Variants in TNRC6B observed in about 807,000 individuals in gnomAD.
TNRC6B encodes trinucleotide repeat containing adaptor 6B.
Under a neutral mutation model 203.6 loss-of-function variants are expected in TNRC6B, and 52 were observed. The ratio of observed to expected loss-of-function variants is 0.26; its 90% confidence interval spans 0.20 to 0.32. TNRC6B has a LOEUF of 0.32. Among genes scored for constraint, TNRC6B ranks in the 10% least tolerant of loss-of-function variants. The pLI is 1.00. For synonymous variants in TNRC6B, 838 were observed against 845.7 expected, an observed-to-expected ratio of 0.99 and a Z score of 0.16; for missense variants, 1,923 against 2,286.2, an observed-to-expected ratio of 0.84 and a Z score of 3.24.
intron 1 of TNRC6B, among the ~76,000 whole-genome samples, chr22:40,211,138 G>A (rs112362574): frequency 6.6e-6 from 1 of 151,848 alleles, no homozygotes; most frequent in Admixed American, 6.6e-5. Context: ...TTTGAGACAG[G>A]ATCTTGCTTT....
At chr22:40,216,721 T>C (rs1436985057) in intron 1 of TNRC6B, among the ~76,000 whole-genome samples, 1 of 152,194 alleles carries the variant, frequency 6.6e-6, no homozygotes, top group East Asian at 1.9e-4. Context: ...GTAAAAATAC[T>C]GACAAGGAGC....
chr22:40,177,220 G>T (rs947458568), upstream of TNRC6B, among the ~76,000 whole-genome samples: 1 of 152,154 alleles, frequency 6.6e-6, no homozygotes, highest in African/African-American at 2.4e-5. Context: ...GGGGATTAAA[G>T]ATGACTCAGA....
chr22:40,264,229 A>G (rs2070435642), intron 4 of TNRC6B, among the ~76,000 whole-genome samples: 1 of 152,238 alleles, frequency 6.6e-6, no homozygotes, highest in Non-Finnish European at 1.5e-5. Context: ...GTCCCAGGTC[A>G]TGGAACATCT....
chr22:40,273,579 A>C lies in TNRC6B; in HGVS notation c.3120A>C (p.Gln1040His). Residue 1040 changes from glutamine to histidine, a missense_variant, in exon 7 of 23, where the codon CAA becomes CAC. Gln to His is a conservative substitution (Grantham distance 24). Coordinates refer to ENST00000454349, the MANE Select transcript of TNRC6B (RefSeq NM_001162501.2). ...ASSHNSASWG[Q>H]GGKKQMKCSL... Reference sequence around the variant, plus strand: ...CCCACAACTCAGCAAGCTGGGGACAAGGAGGAAAGAAACAAATGAAGGTAG... The same window carrying C: ...CCCACAACTCAGCAAGCTGGGGACACGGAGGAAAGAAACAAATGAAGGTAG... The C allele has an allele frequency of 6.3e-7, 1 of 1,581,180 alleles. No homozygotes were observed. Among genetic ancestry groups the C allele is most frequent in the Non-Finnish European group, 8.6e-7 (1 of 1,163,428 alleles).
intron 4 of TNRC6B, among the ~76,000 whole-genome samples, chr22:40,172,277 C>T (rs1401363522): frequency 1.3e-5 from 2 of 152,216 alleles, no homozygotes; most frequent in Non-Finnish European, 2.9e-5. Context: ...TATTCTATAT[C>T]CTGTCAAACT....
At chr22:40,152,708 T>C (rs1395210491) in intron 3 of TNRC6B, among the ~76,000 whole-genome samples, 2 of 152,094 alleles carry the variant, frequency 1.3e-5, no homozygotes, top group Non-Finnish European at 2.9e-5. Flanking sequence ...CTGGACCTTG[T>C]GATCCGCCTG....
chr22:40,142,748 G>A (rs746414140), intron 3 of TNRC6B, among the ~76,000 whole-genome samples: 11 of 152,040 alleles, frequency 7.2e-5, no homozygotes, highest in Non-Finnish European at 1.5e-5. Flanking sequence ...TACTGGTCTT[G>A]CCCATCCTAT....
chr22:40,173,456 G>C (rs2069022951), upstream of TNRC6B, among the ~76,000 whole-genome samples: 1 of 137,294 alleles, frequency 7.3e-6, no homozygotes, highest in Admixed American at 7.6e-5. Flanking sequence ...CTTTATATCT[G>C]TGCCAAAAAC....
chr22:40,229,114 C>G (rs575478350), intron 1 of TNRC6B, among the ~76,000 whole-genome samples: 2 of 152,066 alleles, frequency 1.3e-5, no homozygotes, highest in African/African-American at 4.8e-5. Flanking sequence ...TATTACTGAT[C>G]GAAGGAAAGT....
intron 2 of TNRC6B, among the ~76,000 whole-genome samples, chr22:40,120,632 G>T (rs1224413819): frequency 6.6e-6 from 1 of 152,120 alleles, no homozygotes; most frequent in Non-Finnish European, 1.5e-5. Context: ...ATTCTGAGGA[G>T]GATACATGTC....
intron 4 of TNRC6B, 113 bp downstream of exon 4, chr22:40,262,286 T>C: frequency 1.0e-6 from 1 of 980,188 alleles, no homozygotes; most frequent in Non-Finnish European, 1.4e-6. Flanking sequence ...CCACTGGGAT[T>C]AGTCAAAAGA....
chr22:40,079,953 G>A (rs111352022), intron 1 of TNRC6B, among the ~76,000 whole-genome samples: 6,697 of 152,050 alleles, frequency 0.044, 441 homozygotes, highest in African/African-American at 0.14. Context: ...CTGCCACCAC[G>A]CCTGGCTAAT....
At chr22:40,305,029 A>C (rs934783711) in intron 15 of TNRC6B, among the ~76,000 whole-genome samples, 2 of 152,212 alleles carry the variant, frequency 1.3e-5, no homozygotes, top group African/African-American at 4.8e-5. Context: ...AAACAGAGAG[A>C]GTGAAGGCAG....
chr22:40,251,237 CT>C, intron 3 of TNRC6B, 37 bp downstream of exon 3: 2 of 1,488,644 alleles, frequency 1.3e-6, no homozygotes, highest in Non-Finnish European at 1.8e-6. Context: ...TATTTAGAAC[CT>C]TTTGTGTTTA....
At position 40,266,563 on chromosome 22, in the gene TNRC6B, A is replaced by G. The variant is rs1245572436; in HGVS notation, c.2333A>G (p.Asn778Ser). Residue 778 changes from asparagine (N) to serine (S), a missense_variant, in exon 5 of 23, where the codon AAT becomes AGT. Coordinates refer to ENST00000454349, the MANE Select transcript of TNRC6B (RefSeq NM_001162501.2). ...PVSGWGEGGQNEIGTWGNGGN... is the reference protein window; with the variant it reads ...PVSGWGEGGQSEIGTWGNGGN... ...TCTGGGTGGGGTGAAGGAGGGCAGAATGAAATCGGGACTTGGGGTAATGGT... is the reference window on the plus strand; with the variant it reads ...TCTGGGTGGGGTGAAGGAGGGCAGAGTGAAATCGGGACTTGGGGTAATGGT... The G allele has an allele frequency of 6.2e-7, 1 of 1,613,580 alleles. No homozygotes were observed. The highest frequency in any genetic ancestry group is 1.3e-5 in the African/African-American group (1 of 74,920).
At chr22:40,088,953 G>T (rs1433873658) in intron 1 of TNRC6B, among the ~76,000 whole-genome samples, 1 of 151,886 alleles carries the variant, frequency 6.6e-6, no homozygotes, top group East Asian at 1.9e-4. Flanking sequence ...ATTCTTAGTG[G>T]GTATATGCCC....
chr22:40,080,257 T>A (rs1028140849), intron 1 of TNRC6B, among the ~76,000 whole-genome samples: 1 of 151,900 alleles, frequency 6.6e-6, no homozygotes, highest in Non-Finnish European at 1.5e-5. Flanking sequence ...TTTTTTTTTT[T>A]AATGGATAAC....
intron 1 of TNRC6B, among the ~76,000 whole-genome samples, chr22:40,074,097 T>C (rs569735129): frequency 2.8e-4 from 41 of 148,960 alleles, no homozygotes; most frequent in Admixed American, 2.7e-3. Context: ...CCAGATGTGA[T>C]GGCCTGTGCC....
chr22:40,266,341 A>G lies in TNRC6B; in HGVS notation c.2111A>G (p.Asn704Ser). The change falls in exon 5 of 23, where the codon AAC becomes AGC. Residue 704 changes from asparagine to serine, a missense_variant. Transcript: ENST00000454349. ...GGAGGCTGGAATGACTACAAGAACA[A>G]CAACTCTTCCAACTGGGGAGGAGGA... ...NTGGWNDYKN[N>S]NSSNWGGGRP... is the part of the protein sequence containing the mutation. 1.2e-6 allele frequency: 2 copies of G among 1,607,854 alleles called. No individual in the cohort carries two copies. Among genetic ancestry groups the G allele is most frequent in the South Asian group, 1.1e-5 (1 of 89,996 alleles).
Sources: gnomAD v4.1 joint callset for allele counts (sites outside exome capture counted in the v4.1 genomes callset) on GRCh38, gnomAD v4.1.1 for gene constraint, MANE v1.5 for transcripts, NCBI Gene and HGNC (gene_info 2026-07-23, HGNC 2026-07-21) for gene names.